Variants in PLEKHA6 observed in about 807,000 individuals in gnomAD.
PLEKHA6 encodes pleckstrin homology domain containing A6, also known as pleckstrin homology domain-containing family A member 6.
PLEKHA6 carries 60 observed loss-of-function variants against 116.7 expected under a neutral mutation model. That is an observed-to-expected ratio of 0.51 (90% CI 0.42 to 0.64). The LOEUF (loss-of-function observed/expected upper bound fraction) is 0.64. PLEKHA6 is among the 30% of genes least tolerant of loss of function. The pLI is 0.00. For missense variants in PLEKHA6, 1,338 were observed against 1,422.7 expected, an observed-to-expected ratio of 0.94 and a Z score of 0.96; for synonymous variants, 489 against 556.1, an observed-to-expected ratio of 0.88 and a Z score of 1.70.
chr1:204,314,589 C>A (rs114633494), intron 1 of PLEKHA6, among the ~76,000 whole-genome samples: 1,820 of 152,288 alleles, frequency 0.012, 25 homozygotes, highest in African/African-American at 0.042. Flanking sequence ...TAGCTCCTGG[C>A]GGACCTCACT....
intron 1 of PLEKHA6, among the ~76,000 whole-genome samples, chr1:204,310,647 T>G (rs928570167): frequency 6.6e-6 from 1 of 152,234 alleles, no homozygotes; most frequent in African/African-American, 2.4e-5. Context: ...TTGCAATTCC[T>G]TGCCTTCCCT....
rs73073723 is a variant in PLEKHA6, at chr1:204,223,284, G to A, written c.*8+178C>T. Among the ~76,000 whole-genome samples the A allele has an allele frequency of 8.2e-3, 1,243 of 152,252 alleles. 8 individuals carry two copies. Among genetic ancestry groups the A allele is most frequent in the Middle Eastern group, 0.02 (6 of 294 alleles). ...CCAGCTGGCTCCAGCCCAGCACTGC[G>A]TGGGGAAGCTGGATGGACGGATGGA... On this transcript the variant is annotated intron_variant, in intron 22 of 22. Coordinates refer to ENST00000272203, the MANE Select transcript of PLEKHA6 (RefSeq NM_014935.5). This position sits in a 1 kb window ranked among gnomAD's most constrained non-coding sequence, Gnocchi z 4.8.
chr1:204,370,458 C>T (rs895273356), intron 2 of PLEKHA6, among the ~76,000 whole-genome samples: 2 of 152,282 alleles, frequency 1.3e-5, no homozygotes, highest in Non-Finnish European at 2.9e-5. Flanking sequence ...CCCACACCCC[C>T]TCTTACTGGC....
At position 204,257,534 on chromosome 1, in the gene PLEKHA6, G is replaced by A. The variant is rs780876619; in HGVS notation, c.1343C>T (p.Ser448Phe). 2.5e-6 allele frequency: 4 copies of A among 1,593,994 alleles called. No homozygotes were observed. The highest frequency in any genetic ancestry group is 2.3e-5 in the South Asian group (2 of 88,510). ...CACAGAGTGGGAGCGGGGCTGCAGGGACAGGCGGCGCAGGGAGCTAGAGGC... is the reference window on the plus strand; with the variant it reads ...CACAGAGTGGGAGCGGGGCTGCAGGAACAGGCGGCGCAGGGAGCTAGAGGC... ...DAASSSLRRL[S>F]LQPRSHSVPR... Residue 448 changes from serine to phenylalanine, a missense_variant, in exon 9 of 23, where the codon TCC becomes TTC. Coordinates refer to ENST00000272203, the MANE Select transcript of PLEKHA6 (RefSeq NM_014935.5). This position sits in a 1 kb window ranked among gnomAD's most constrained non-coding sequence, Gnocchi z 6.5.
At chr1:204,353,482 G>C (rs543839811) in intron 1 of PLEKHA6, among the ~76,000 whole-genome samples, 6 of 152,320 alleles carry the variant, frequency 3.9e-5, no homozygotes, top group African/African-American at 1.4e-4. Context: ...AGGATTAGAA[G>C]ACAATGGAGT....
chr1:204,323,330 G>A (rs552447376), intron 1 of PLEKHA6, among the ~76,000 whole-genome samples: 4 of 152,296 alleles, frequency 2.6e-5, no homozygotes, highest in Non-Finnish European at 2.9e-5. Context: ...TCTTATCTCC[G>A]CAGCACCCCT....
At chr1:204,312,981 C>T (rs1294718739) in intron 1 of PLEKHA6, among the ~76,000 whole-genome samples, 1 of 150,930 alleles carries the variant, frequency 6.6e-6, no homozygotes, top group Admixed American at 6.6e-5. Flanking sequence ...CCTCCCACCT[C>T]AGCTTCTCAA....
intron 3 of PLEKHA6, among the ~76,000 whole-genome samples, chr1:204,365,081 G>A (rs557413111): frequency 1.2e-4 from 18 of 152,214 alleles, no homozygotes; most frequent in African/African-American, 3.9e-4. Context: ...AAAGGGAAGC[G>A]AATGTTGAGG....
intron 1 of PLEKHA6, among the ~76,000 whole-genome samples, chr1:204,290,238 A>T (rs1669607182): frequency 6.6e-6 from 1 of 152,244 alleles, no homozygotes; most frequent in Non-Finnish European, 1.5e-5. Context: ...AAAGCTTTGA[A>T]GAAGAATAGG....
intron 21 of PLEKHA6, among the ~76,000 whole-genome samples, chr1:204,224,855 A>T (rs1345796253): frequency 6.6e-6 from 1 of 152,254 alleles, no homozygotes; most frequent in Non-Finnish European, 1.5e-5. Flanking sequence ...GTCATCTAGC[A>T]GTCTCAACTT....
intron 1 of PLEKHA6, among the ~76,000 whole-genome samples, chr1:204,276,637 G>GACACACAC (rs10567692): frequency 4.5e-4 from 62 of 136,926 alleles, no homozygotes; most frequent in Middle Eastern, 3.6e-3. Flanking sequence ...CACTGGCACA[G>GACACACAC]ACACACACAC....
chr1:204,247,251 A>T (rs896806790), intron 13 of PLEKHA6, 114 bp downstream of exon 13: 12 of 642,044 alleles, frequency 1.9e-5, no homozygotes, highest in Non-Finnish European at 2.8e-5. Context: ...CATTATCTTC[A>T]TCCTGAAACT....
At chr1:204,348,288 C>A (rs896511500) in intron 1 of PLEKHA6, among the ~76,000 whole-genome samples, 1 of 152,218 alleles carries the variant, frequency 6.6e-6, no homozygotes, top group African/African-American at 2.4e-5. Flanking sequence ...AAGCCACGGG[C>A]CCTAATTCAG....
intron 9 of PLEKHA6, chr1:204,251,645 C>T (rs910932157): frequency 1.4e-6 from 1 of 700,392 alleles, no homozygotes; most frequent in Non-Finnish European, 2.6e-6. Flanking sequence ...TATTCACACT[C>T]CGACCTACAT....
chr1:204,288,159 G>A (rs1558142641), intron 1 of PLEKHA6, among the ~76,000 whole-genome samples: 1 of 152,138 alleles, frequency 6.6e-6, no homozygotes. Context: ...CTTTCACACT[G>A]AGGAGTAGGG....
intron 1 of PLEKHA6, chr1:204,311,668 C>T: frequency 1.0e-6 from 1 of 972,636 alleles, no homozygotes; most frequent in Non-Finnish European, 1.2e-6. Flanking sequence ...AAATCATCAA[C>T]TCTTTGGAAC....
At chr1:204,283,445 C>G (rs1668847696) in intron 1 of PLEKHA6, among the ~76,000 whole-genome samples, 1 of 152,198 alleles carries the variant, frequency 6.6e-6, no homozygotes, top group South Asian at 2.1e-4. Flanking sequence ...TTATGATGCT[C>G]TGAAGGCATG....
intron 10 of PLEKHA6, among the ~76,000 whole-genome samples, chr1:204,250,150 C>G (rs1664333015): frequency 6.6e-6 from 1 of 152,204 alleles, no homozygotes; most frequent in East Asian, 1.9e-4. Context: ...GCCGTATTCT[C>G]CTTTCTAGTT....
At position 204,304,467 on chromosome 1, in the gene PLEKHA6, CA is replaced by C. The variant is rs533574519; in HGVS notation, c.-94-29659del. Among the ~76,000 whole-genome samples, 15 of 152,300 alleles carry C rather than the reference CA, an allele frequency of 9.8e-5. No individual in the cohort carries two copies. The South Asian group carries it at 3.1e-3, about 32-fold the overall frequency. On this transcript the variant is annotated intron_variant, in intron 1 of 22. Coordinates refer to ENST00000272203, the MANE Select transcript of PLEKHA6 (RefSeq NM_014935.5). ...GCCCCAAAAGTGGCCTTATCAGGGA[CA>C]ACCAATATAAGATTGTCAACTTTTA...
Sources: gnomAD v4.1 joint callset for allele counts (sites outside exome capture counted in the v4.1 genomes callset) on GRCh38, gnomAD v4.1.1 for gene constraint, Gnocchi (gnomAD v3.1) non-coding constraint, MANE v1.5 for transcripts, NCBI Gene and HGNC (gene_info 2026-07-23, HGNC 2026-07-21) for gene names.